Variants in UIMC1 observed in about 807,000 individuals in gnomAD.
UIMC1 encodes the protein BRCA1-A complex subunit RAP80.
A neutral mutation model predicts 84.9 loss-of-function variants in UIMC1; 42 were observed. That is an observed-to-expected ratio of 0.49 (90% CI 0.39 to 0.64). The LOEUF (loss-of-function observed/expected upper bound fraction) is 0.64, where lower values mean the gene tolerates loss of function less well. Among genes scored for constraint, UIMC1 ranks in the 30% least tolerant of loss-of-function variants. The pLI, the probability that UIMC1 is intolerant of heterozygous loss-of-function variation, is 0.00. For synonymous variants in UIMC1, 281 were observed against 293.0 expected (o/e 0.96, Z 0.42); for missense variants, 825 against 847.6 (o/e 0.97, Z 0.33).
In UIMC1 at chr5:176,931,801, A is replaced by T. The variant is rs1346359728; in HGVS notation, c.1597+11534T>A. On this transcript the variant is annotated intron_variant, in intron 10 of 14. Transcript: ENST00000511320. ...GGAGTTCAAGACCAGCCTGGCCAAGATAGTGAAACCCCGCCTCTACTAAAA... is the reference window on the plus strand; with the variant it reads ...GGAGTTCAAGACCAGCCTGGCCAAGTTAGTGAAACCCCGCCTCTACTAAAA... Among the ~76,000 whole-genome samples the T allele has an allele frequency of 3.3e-5, 5 of 152,256 alleles. No individual in the cohort carries two copies. The East Asian group carries it at 9.6e-4, about 29-fold the overall frequency.
intron 10 of UIMC1, among the ~76,000 whole-genome samples, chr5:176,913,488 A>G (rs923292764): frequency 6.6e-6 from 1 of 152,186 alleles, no homozygotes; most frequent in African/African-American, 2.4e-5. Flanking sequence ...AGCACCCCAA[A>G]CAGAATCCAA....
At chr5:177,000,785 C>T (rs1028535950) in intron 1 of UIMC1, among the ~76,000 whole-genome samples, 17 of 152,212 alleles carry the variant, frequency 1.1e-4, no homozygotes, top group African/African-American at 3.9e-4. Flanking sequence ...CAAGCCTGAG[C>T]TACCGTGCCC....
intron 12 of UIMC1, 56 bp from the exon 13 acceptor site, chr5:176,907,233 A>G (rs1486607232): frequency 5.3e-6 from 8 of 1,508,048 alleles, no homozygotes; most frequent in Admixed American, 1.8e-5. Flanking sequence ...CTAAAATACA[A>G]CTTCCACAGC....
At chr5:177,018,322 C>G (rs1051116543) in intron 1 of UIMC1, among the ~76,000 whole-genome samples, 4 of 150,406 alleles carry the variant, frequency 2.7e-5, no homozygotes, top group Non-Finnish European at 5.9e-5. Context: ...TGCACTCCAG[C>G]CTGGGTGACA....
chr5:176,932,548 A>G (rs57898437), intron 10 of UIMC1, among the ~76,000 whole-genome samples: 21,471 of 150,274 alleles, frequency 0.14, 1,771 homozygotes, highest in East Asian at 0.2. Flanking sequence ...CAGACAGACA[A>G]ACATCAGCAG....
intron 1 of UIMC1, among the ~76,000 whole-genome samples, chr5:177,013,336 G>A (rs936380862): frequency 2.0e-5 from 3 of 148,208 alleles, no homozygotes; most frequent in African/African-American, 7.6e-5. Context: ...ACTCTAGCCT[G>A]GACAACAGAG....
chr5:176,905,196 A>G lies in UIMC1; in HGVS notation c.*86T>C. ...AAAACTGCAGGGCTAAAACTTGCTC[A>G]ACAATGAACTAGGGACCACTATGGC... On this transcript the variant is annotated 3_prime_UTR_variant, in exon 15 of 15. Coordinates refer to ENST00000511320, the MANE Select transcript of UIMC1 (RefSeq NM_001199298.2). 1.4e-6 allele frequency: 2 copies of G among 1,446,088 alleles called. No individual in the cohort carries two copies. Among genetic ancestry groups the G allele is most frequent in the Non-Finnish European group, 1.9e-6 (2 of 1,064,892 alleles). 89.6% of individuals were successfully genotyped at this position (1,446,088 alleles called of 1,614,324 possible).
rs1764714637 is a variant in UIMC1 at position 176,943,546 on chromosome 5, C to T, written c.1444-58G>A. ...CTTTAGTTCATATCATTCCCTACAA[C>T]GAACTGCAAGAGACTCCACCCCATA... is the stretch of plus-strand genomic sequence containing the variant. On this transcript the variant is annotated intron_variant, in intron 9 of 14. Transcript: ENST00000511320. 1.0e-5 allele frequency: 16 copies of T among 1,578,368 alleles called. No homozygotes were observed. The South Asian group carries it at 1.2e-4, about 12-fold the overall frequency.
intron 2 of UIMC1, among the ~76,000 whole-genome samples, chr5:176,979,457 AT>A (rs1304355515): frequency 6.6e-6 from 1 of 152,132 alleles, no homozygotes; most frequent in Non-Finnish European, 1.5e-5. Context: ...AAATACAAAA[AT>A]TAGCCAGGCG....
chr5:176,943,847 G>C (rs1373835576), intron 9 of UIMC1, among the ~76,000 whole-genome samples: 1 of 152,182 alleles, frequency 6.6e-6, no homozygotes, highest in Non-Finnish European at 1.5e-5. Flanking sequence ...CGTGAGAAAA[G>C]TACTTGTGTA....
chr5:176,980,698 A>G (rs1001853166), intron 2 of UIMC1, among the ~76,000 whole-genome samples: 1 of 151,882 alleles, frequency 6.6e-6, no homozygotes, highest in African/African-American at 2.4e-5. Flanking sequence ...GTATCTGTGT[A>G]TTTAATATTT....
intron 10 of UIMC1, among the ~76,000 whole-genome samples, chr5:176,933,132 C>T (rs568396739): frequency 6.6e-6 from 1 of 152,068 alleles, no homozygotes; most frequent in African/African-American, 2.4e-5. Context: ...TGAGAACTGA[C>T]GGGTGAGTGA....
intron 10 of UIMC1, among the ~76,000 whole-genome samples, chr5:176,929,128 A>C (rs1180882416): frequency 6.7e-6 from 1 of 149,874 alleles, no homozygotes; most frequent in African/African-American, 2.5e-5. Flanking sequence ...GGTGGCGCGC[A>C]CTTGTAGTCC....
chr5:176,974,924 C>CT (rs1257994643), intron 3 of UIMC1, among the ~76,000 whole-genome samples: 1 of 152,002 alleles, frequency 6.6e-6, no homozygotes, highest in Non-Finnish European at 1.5e-5. Flanking sequence ...GAGGCCCAAG[C>CT]TGGAGGATTG....
At chr5:176,953,489 G>GACACAT (rs1554120110) in intron 8 of UIMC1, among the ~76,000 whole-genome samples, 8 of 82,636 alleles carry the variant, frequency 9.7e-5, no homozygotes, top group Non-Finnish European at 1.5e-4. Context: ...TTGAAAACTG[G>GACACAT]ACACATACAC....
rs1413493343 is a variant in UIMC1 at position 176,982,514 on chromosome 5, A to G, written c.102T>C (p.Arg34=). 6.2e-7 allele frequency: 1 copy of G among 1,613,972 alleles called. No individual in the cohort carries two copies. Among genetic ancestry groups the G allele is most frequent in the Non-Finnish European group, 8.5e-7 (1 of 1,180,008 alleles). ...TCACAATGAATGCATCCTCAAGTCT[A>G]CGCTTCCTCTTCACACTGACAGAAC... ...TTSSVSVKRK[R]RLEDAFIVIS... Residue 34 remains arginine, a synonymous_variant, in exon 2 of 15, where the codon CGT becomes CGC. Transcript: ENST00000511320.
chr5:176,990,180 C>CA lies in UIMC1; in HGVS notation c.-8-7558dup, dbSNP rs1054107527. On this transcript the variant is annotated intron_variant, in intron 1 of 14. Coordinates refer to ENST00000511320, the MANE Select transcript of UIMC1 (RefSeq NM_001199298.2). The stretch of plus-strand genomic sequence containing the variant: ...TGGGCAACAGAGCGAGACTCTGTTA[C>CA]AAAAAAAAAAAACAAAAACAAAGAA... Among the ~76,000 whole-genome samples, 556 of 116,808 alleles carry CA rather than the reference C, an allele frequency of 4.8e-3. 1 individual carries two copies. Among genetic ancestry groups the CA allele is most frequent in the African/African-American group, 8.7e-3 (274 of 31,336 alleles). The allele number at this position is 116,808 out of a possible 152,430, so 76.6% of individuals were successfully genotyped here.
At chr5:176,941,301 A>G (rs1330097591) in intron 10 of UIMC1, among the ~76,000 whole-genome samples, 1 of 152,210 alleles carries the variant, frequency 6.6e-6, no homozygotes, top group African/African-American at 2.4e-5. Flanking sequence ...ACATTGAAAG[A>G]GCTAAATTTA....
chr5:176,908,672 TACAGAGGTAAC>T lies in UIMC1; in HGVS notation c.1688_1698del (p.Cys563Ter). 1 of 1,613,782 alleles carries T rather than the reference TACAGAGGTAAC, an allele frequency of 6.2e-7. No homozygotes were observed. The highest frequency in any genetic ancestry group is 8.5e-7 in the Non-Finnish European group (1 of 1,179,788). On this transcript the variant is annotated frameshift_variant, in exon 12 of 15. Coordinates refer to ENST00000511320, the MANE Select transcript of UIMC1 (RefSeq NM_001199298.2). LOFTEE classifies it high-confidence loss of function. ...TACTCTCTAAATGGGACCAGGGATT[TACAGAGGTAAC>T]ACTTCTCATTCCTATCCAATAAGAA...
Sources: gnomAD v4.1 joint callset for allele counts (sites outside exome capture counted in the v4.1 genomes callset) on GRCh38, gnomAD v4.1.1 for gene constraint, MANE v1.5 for transcripts, NCBI Gene and HGNC (gene_info 2026-07-23, HGNC 2026-07-21) for gene names.